The following GNAZ variants were observed in gnomAD, a reference collection of about 807,000 sequenced individuals.
The protein encoded by GNAZ is guanine nucleotide-binding protein G(z) subunit alpha.
Under a neutral mutation model 25.4 loss-of-function variants are expected in GNAZ, and 3 were observed. The ratio of observed to expected loss-of-function variants is 0.12; its 90% CI spans 0.05 to 0.30. The LOEUF is 0.30. Among genes scored for constraint, GNAZ ranks in the 10% least tolerant of loss-of-function variants. The probability of loss-of-function intolerance (pLI) is 1.00; values close to 1 mark genes in which losing one functional copy is unlikely to be tolerated. For synonymous variants in GNAZ, 211 were observed against 205.7 expected (o/e 1.03, Z -0.22); for missense variants, 241 against 501.8 (o/e 0.48, Z 4.97).
chr22:23,105,639 CTG>C (rs2069446680), intron 2 of GNAZ, among the ~76,000 whole-genome samples: 1 of 152,226 alleles, frequency 6.6e-6, no homozygotes, highest in African/African-American at 2.4e-5. Context: ...GTTTCTCACA[CTG>C]TGCTTTCTTC....
intron 2 of GNAZ, among the ~76,000 whole-genome samples, chr22:23,113,250 C>G (rs2069709754): frequency 6.6e-6 from 1 of 152,216 alleles, no homozygotes; most frequent in Admixed American, 6.5e-5. Context: ...GGCCCTGTGC[C>G]CAGGCAAGGC....
At chr22:23,107,282 C>A (rs1049445967) in intron 2 of GNAZ, among the ~76,000 whole-genome samples, 13 of 152,146 alleles carry the variant, frequency 8.5e-5, no homozygotes, top group African/African-American at 2.9e-4. Flanking sequence ...CCAGAGGAGC[C>A]CCATCTGTCG....
chr22:23,091,498 A>G (rs1473150737), intron 1 of GNAZ, among the ~76,000 whole-genome samples: 1 of 149,230 alleles, frequency 6.7e-6, no homozygotes, highest in African/African-American at 2.5e-5. Flanking sequence ...ACACACAGGG[A>G]CCTATGCATA....
In GNAZ at chr22:23,123,551, C is replaced by T. The variant is rs970125477; in HGVS notation, c.*120C>T. On this transcript the variant is annotated 3_prime_UTR_variant, in exon 3 of 3. Coordinates refer to ENST00000615612, the MANE Select transcript of GNAZ (RefSeq NM_002073.4). ...AGGGGGCCTAAAGAATGTCCCCCAC[C>T]CCTTGGCCTCTGCCTCCTTGGCCCC... The T allele has an allele frequency of 9.4e-6, 6 of 638,784 alleles. No individual in the cohort carries two copies. In the African/African-American group the frequency reaches 1.1e-4, roughly 12 times the overall value. 39.6% of individuals were successfully genotyped at this position (638,784 alleles called of 1,614,324 possible).
At chr22:23,088,631 C>T (rs902507405) in intron 1 of GNAZ, among the ~76,000 whole-genome samples, 4 of 152,148 alleles carry the variant, frequency 2.6e-5, no homozygotes, top group African/African-American at 9.7e-5. Context: ...GGGTCAGCTC[C>T]GGTAGGGTGG....
At chr22:23,102,264 C>A (rs988128861) in intron 2 of GNAZ, among the ~76,000 whole-genome samples, 3 of 152,208 alleles carry the variant, frequency 2.0e-5, no homozygotes, top group Non-Finnish European at 4.4e-5. Context: ...AGGCTTTATG[C>A]GTGACCCCAT....
chr22:23,093,208 CT>C (rs560915030), intron 1 of GNAZ, among the ~76,000 whole-genome samples: 26 of 152,244 alleles, frequency 1.7e-4, no homozygotes, highest in Non-Finnish European at 3.5e-4. Context: ...AATTTTCAGC[CT>C]CACTGGGATT....
intron 2 of GNAZ, among the ~76,000 whole-genome samples, chr22:23,107,264 C>G (rs1037094471): frequency 6.0e-4 from 92 of 152,280 alleles, no homozygotes; most frequent in African/African-American, 2.1e-3. Flanking sequence ...CCTGCCCTGG[C>G]CCCCATCCCA....
chr22:23,111,073 G>C (rs899081675), intron 2 of GNAZ, among the ~76,000 whole-genome samples: 2 of 152,212 alleles, frequency 1.3e-5, no homozygotes, highest in African/African-American at 2.4e-5. Flanking sequence ...ATCATTTGCT[G>C]GGGGGCCTGC....
At chr22:23,092,083 T>C (rs1361724107) in intron 1 of GNAZ, among the ~76,000 whole-genome samples, 1 of 152,010 alleles carries the variant, frequency 6.6e-6, no homozygotes, top group Non-Finnish European at 1.5e-5. Context: ...TGAGCTCTAG[T>C]GATCCATCAG....
intron 1 of GNAZ, among the ~76,000 whole-genome samples, chr22:23,079,260 A>G (rs968681602): frequency 3.9e-5 from 6 of 152,222 alleles, no homozygotes; most frequent in African/African-American, 1.4e-4. Context: ...GTCATTTTCC[A>G]TCGTAAATAG....
At chr22:23,108,294 A>G (rs2069543475) in intron 2 of GNAZ, among the ~76,000 whole-genome samples, 1 of 152,256 alleles carries the variant, frequency 6.6e-6, no homozygotes, top group Non-Finnish European at 1.5e-5. Flanking sequence ...TAGGCAGGCC[A>G]TGGGCAATGA....
intron 1 of GNAZ, among the ~76,000 whole-genome samples, chr22:23,086,060 A>G (rs562284295): frequency 6.6e-6 from 1 of 152,362 alleles, no homozygotes; most frequent in African/African-American, 2.4e-5. Flanking sequence ...ACTGTTTTGT[A>G]TTTAGATTAC....
At chr22:23,099,920 G>A (rs796888089) in intron 2 of GNAZ, among the ~76,000 whole-genome samples, 3 of 152,234 alleles carry the variant, frequency 2.0e-5, no homozygotes, top group Admixed American at 6.5e-5. Context: ...CTGCCCTTGC[G>A]GATCAGCTAA....
At position 23,103,505 on chromosome 22, in the gene GNAZ, C is replaced by T. The variant is rs145315380; in HGVS notation, c.723+7087C>T. ...ACTCCCAGCTCTGACCCTGTGGCCG[C>T]GTGGGTTGCATCTGTTCGTGTTTAC... On this transcript the variant is annotated intron_variant, in intron 2 of 2. Transcript: ENST00000615612. Among the ~76,000 whole-genome samples, 646 of 152,340 alleles carry T rather than the reference C, an allele frequency of 4.2e-3. 2 individuals carry two copies. The highest frequency in any genetic ancestry group is 6.4e-3 in the South Asian group (31 of 4,828).
intron 1 of GNAZ, among the ~76,000 whole-genome samples, chr22:23,090,627 T>C (rs1601781275): frequency 6.6e-6 from 1 of 152,176 alleles, no homozygotes; most frequent in African/African-American, 2.4e-5. Flanking sequence ...TCAGGGCCTT[T>C]GTGCCGGTGG....
chr22:23,090,507 A>T (rs1257561975), intron 1 of GNAZ, among the ~76,000 whole-genome samples: 2 of 151,856 alleles, frequency 1.3e-5, no homozygotes, highest in African/African-American at 4.8e-5. Context: ...GGCACTTCTC[A>T]CCCAAACCCT....
At chr22:23,111,964 C>T (rs2069671161) in intron 2 of GNAZ, among the ~76,000 whole-genome samples, 1 of 152,190 alleles carries the variant, frequency 6.6e-6, no homozygotes, top group African/African-American at 2.4e-5. Flanking sequence ...GAGCCTGGTG[C>T]CCAGGTTCCC....
intron 2 of GNAZ, among the ~76,000 whole-genome samples, chr22:23,102,264 C>T (rs988128861): frequency 2.6e-5 from 4 of 152,208 alleles, no homozygotes; most frequent in Admixed American, 1.3e-4. Flanking sequence ...AGGCTTTATG[C>T]GTGACCCCAT....
Sources: gnomAD v4.1 joint callset for allele counts (sites outside exome capture counted in the v4.1 genomes callset) on GRCh38, gnomAD v4.1.1 for gene constraint, MANE v1.5 for transcripts, NCBI Gene and HGNC (gene_info 2026-07-23, HGNC 2026-07-21) for gene names.